The following AGGF1 variants were observed in gnomAD, a reference collection of about 807,000 sequenced individuals.
AGGF1 encodes the protein angiogenic factor with G-patch and FHA domains 1.
AGGF1 carries 56 observed loss-of-function variants against 86.5 expected under a neutral mutation model. The ratio of observed to expected loss-of-function variants is 0.65; its 90% confidence interval spans 0.52 to 0.81. The LOEUF (loss-of-function observed/expected upper bound fraction) is 0.81, where lower values mean the gene tolerates loss of function less well. Ranked by LOEUF, AGGF1 falls within the 30% of genes least tolerant of loss-of-function variation. The pLI, the probability that AGGF1 is intolerant of heterozygous loss-of-function variation, is 0.00. For synonymous variants in AGGF1, 313 were observed against 297.1 expected (o/e 1.05, Z -0.55); for missense variants, 816 against 850.9 (o/e 0.96, Z 0.51).
In AGGF1 at chr5:77,042,812, T is replaced by C. The variant is rs1490347726; in HGVS notation, c.870+3093T>C. ...ACGGGGCGGCTGGCCGGGCGGGGGC[T>C]GACCCCCCCACCTCCCTCCCGGGCG... On this transcript the variant is annotated intron_variant, in intron 5 of 13. Transcript: ENST00000312916. 5.1e-4 allele frequency among the ~76,000 whole-genome samples: 20 copies of C among 39,320 alleles called. 1 individual carries two copies. Among genetic ancestry groups the C allele is most frequent in the Non-Finnish European group, 6.4e-4 (10 of 15,744 alleles). 25.8% of individuals were successfully genotyped at this position (39,320 alleles called of 152,430 possible).
intron 2 of AGGF1, 80 bp downstream of exon 2, chr5:77,034,600 T>A: frequency 1.0e-6 from 1 of 979,444 alleles, no homozygotes; most frequent in Non-Finnish European, 1.7e-6. Context: ...TAATTTAAAA[T>A]AAACAAAGAT....
chr5:77,053,813 G>A (rs985782748), intron 9 of AGGF1, 152 bp from the exon 10 acceptor site: 11 of 765,386 alleles, frequency 1.4e-5, no homozygotes, highest in Admixed American at 7.2e-5. Context: ...AGTTGGGGAA[G>A]TGTGTGCATG....
At chr5:77,060,902 T>C (rs1747551551) in intron 12 of AGGF1, among the ~76,000 whole-genome samples, 1 of 152,150 alleles carries the variant, frequency 6.6e-6, no homozygotes, top group Non-Finnish European at 1.5e-5. Context: ...AAGACAAATT[T>C]AAAATAAAAC....
At chr5:77,043,158 A>C (rs1747155928) in intron 5 of AGGF1, among the ~76,000 whole-genome samples, 1 of 54,150 alleles carries the variant, frequency 1.8e-5, no homozygotes, top group East Asian at 8.6e-4. Flanking sequence ...TCCCTCCCGG[A>C]CAGGGCGGCT....
At chr5:77,058,927 T>C (rs1180991056) in intron 11 of AGGF1, among the ~76,000 whole-genome samples, 4 of 152,214 alleles carry the variant, frequency 2.6e-5, no homozygotes, top group Middle Eastern at 3.2e-3. Flanking sequence ...CTTGACATAC[T>C]CTTTTTCTAG....
In AGGF1 at chr5:77,035,638, G is replaced by A. The variant is rs1746953562; in HGVS notation, c.411G>A (p.Leu137=). The A allele has an allele frequency of 1.9e-6, 3 of 1,613,486 alleles. No individual in the cohort carries two copies. The South Asian group carries it at 3.3e-5, about 18-fold the overall frequency. ...ATCAAGCTATCGAAACTTCTATTTTGAATTCTAAAGACCATTTACAAGTAG... is the reference window on the plus strand; with the variant it reads ...ATCAAGCTATCGAAACTTCTATTTTAAATTCTAAAGACCATTTACAAGTAG... ...QQDQAIETSI[L]NSKDHLQVEN... The change falls in exon 3 of 14, where the codon TTG becomes TTA. Residue 137 remains leucine, a synonymous_variant. Transcript: ENST00000312916.
At chr5:77,050,709 C>T (rs1459725792) in intron 8 of AGGF1, among the ~76,000 whole-genome samples, 64 of 152,228 alleles carry the variant, frequency 4.2e-4, no homozygotes, top group African/African-American at 1.4e-3. Context: ...AATGATCTTG[C>T]TCTTTATATG....
At chr5:77,038,559 T>C (rs1432299000) in intron 4 of AGGF1, among the ~76,000 whole-genome samples, 2 of 152,210 alleles carry the variant, frequency 1.3e-5, no homozygotes, top group Non-Finnish European at 1.5e-5. Context: ...GAAATAAAGA[T>C]TGGAAAGCCT....
chr5:77,053,541 C>T (rs1747412585), intron 9 of AGGF1, among the ~76,000 whole-genome samples: 2 of 151,772 alleles, frequency 1.3e-5, no homozygotes, highest in African/African-American at 4.8e-5. Context: ...TATAGGAAGG[C>T]GGGAGGCCTT....
At chr5:77,058,427 A>AT (rs1561291643) in intron 11 of AGGF1, among the ~76,000 whole-genome samples, 2 of 152,122 alleles carry the variant, frequency 1.3e-5, no homozygotes, top group Admixed American at 6.5e-5. Flanking sequence ...AAAATAACAT[A>AT]TTTTTTCTGT....
chr5:77,031,057 C>T, intron 1 of AGGF1, 81 bp downstream of exon 1: 2 of 1,458,780 alleles, frequency 1.4e-6, no homozygotes, highest in Non-Finnish European at 9.5e-7. Context: ...GAAGGGGTCC[C>T]TGGCAGGGGC....
chr5:77,049,908 T>A (rs1365848186), intron 8 of AGGF1, among the ~76,000 whole-genome samples: 5 of 152,166 alleles, frequency 3.3e-5, no homozygotes, highest in African/African-American at 1.2e-4. Flanking sequence ...CTCTCCTCTC[T>A]TATGGTTGTT....
In AGGF1 at chr5:77,065,208, C is replaced by G. The variant is rs1015737803; in HGVS notation, c.*1956C>G. 6.6e-6 allele frequency: 1 copy of G among 152,168 alleles called. No individual in the cohort carries two copies. The highest frequency in any genetic ancestry group is 1.5e-5 in the Non-Finnish European group (1 of 68,008). The allele number at this position is 152,168 out of a possible 1,614,324, so 9.4% of individuals were successfully genotyped here. On this transcript the variant is annotated 3_prime_UTR_variant, in exon 14 of 14. Coordinates refer to ENST00000312916, the MANE Select transcript of AGGF1 (RefSeq NM_018046.5). ...TGAATTATATACAGTTTGAATTTTG[C>G]ATAAATTTTTTGTGTCTAATTTTAA...
At position 77,035,522 on chromosome 5, in the gene AGGF1, C is replaced by G; in HGVS notation, c.314-19C>G. 1.3e-6 allele frequency: 2 copies of G among 1,583,426 alleles called. No individual in the cohort carries two copies. The highest frequency in any genetic ancestry group is 2.2e-5 in the South Asian group (2 of 89,610). ...ATTATTCTAATATGATACGATTTCA[C>G]TTCATTTTTTTGCTACAGATTATTT... On this transcript the variant is annotated intron_variant, in intron 2 of 13. Transcript: ENST00000312916.
rs1334262265 is a variant in AGGF1 at position 77,046,572 on chromosome 5, A to G, written c.1096A>G (p.Ser366Gly). ...AGATGAGAAAATCATGGAGACTGATAGTGAACCAGAGGAAGGTGAAATTAC... is the reference window on the plus strand; with the variant it reads ...AGATGAGAAAATCATGGAGACTGATGGTGAACCAGAGGAAGGTGAAATTAC... ...FKDEKIMETD[S>G]EPEEGEITDS... Residue 366 changes from serine (S) to glycine (G), a missense_variant, in exon 6 of 14, where the codon AGT (serine) becomes GGT (glycine). Transcript: ENST00000312916. The G allele has an allele frequency of 6.2e-7, 1 of 1,613,874 alleles. No homozygotes were observed. Among genetic ancestry groups the G allele is most frequent in the Non-Finnish European group, 8.5e-7 (1 of 1,179,824 alleles).
intron 9 of AGGF1, 97 bp downstream of exon 9, chr5:77,052,904 T>G: frequency 1.9e-6 from 2 of 1,049,802 alleles, no homozygotes; most frequent in Non-Finnish European, 2.9e-6. Context: ...TGGTTCAGAG[T>G]AGAGTTAAGC....
chr5:77,048,508 C>T (rs531970219), intron 7 of AGGF1, among the ~76,000 whole-genome samples: 6 of 152,220 alleles, frequency 3.9e-5, no homozygotes, highest in South Asian at 2.1e-4. Flanking sequence ...TGCACCACCA[C>T]GCCCAGCTGA....
intron 4 of AGGF1, among the ~76,000 whole-genome samples, chr5:77,038,995 A>G (rs1231611779): frequency 2.0e-5 from 3 of 152,172 alleles, no homozygotes; most frequent in Admixed American, 6.5e-5. Context: ...TTTGGTATGC[A>G]TGAACTTTAT....
At position 77,048,166 on chromosome 5, in the gene AGGF1, G is replaced by A; in HGVS notation, c.1207G>A (p.Asp403Asn). ...CTCACTTCTTTCCTTGGCAGATGAAGACAAAATTTGGCCCCCATGTATTAG... is the reference window on the plus strand; with the variant it reads ...CTCACTTCTTTCCTTGGCAGATGAAAACAAAATTTGGCCCCCATGTATTAG... ...TAEDSEDEDE[D>N]KIWPPCIRVI... The change falls in exon 7 of 14, where the codon GAC becomes AAC. Residue 403 changes from aspartate (D) to asparagine (N), a missense_variant. Around this residue, in one of 3 missense-constraint regions of AGGF1, gnomAD observed 565 missense variants for 585.8 expected, o/e 0.96. Transcript: ENST00000312916. 6.2e-7 allele frequency: 1 copy of A among 1,607,566 alleles called. No individual in the cohort carries two copies. Among genetic ancestry groups the A allele is most frequent in the Non-Finnish European group, 8.5e-7 (1 of 1,174,552 alleles).
Sources: gnomAD v4.1 joint callset for allele counts (sites outside exome capture counted in the v4.1 genomes callset) on GRCh38, gnomAD v4.1.1 for gene constraint, gnomAD v4.1.1 regional missense constraint, MANE v1.5 for transcripts, NCBI Gene and HGNC (gene_info 2026-07-23, HGNC 2026-07-21) for gene names.